EFCAB7: variants seen among roughly 807,000 people sequenced by gnomAD.
EFCAB7 encodes EF-hand calcium binding domain 7, also known as EF-hand calcium-binding domain-containing protein 7.
Under a neutral mutation model 77.1 loss-of-function variants are expected in EFCAB7, and 66 were observed. The observed-to-expected ratio is 0.86, with a 90% CI of 0.70 to 1.05. The LOEUF (loss-of-function observed/expected upper bound fraction) is 1.05. Among genes scored for constraint, EFCAB7 ranks in the 50% least tolerant of loss-of-function variants. EFCAB7 has a pLI of 0.00. For synonymous variants in EFCAB7, 225 were observed against 243.3 expected (o/e 0.92, Z 0.70); for missense variants, 638 against 730.5 (o/e 0.87, Z 1.46).
intron 2 of EFCAB7, among the ~76,000 whole-genome samples, chr1:63,528,168 C>A (rs1440102559): frequency 6.6e-6 from 1 of 151,920 alleles, no homozygotes; most frequent in Non-Finnish European, 1.5e-5. Context: ...AATTTGGAAG[C>A]AACGTAAGAG....
intron 11 of EFCAB7, among the ~76,000 whole-genome samples, chr1:63,562,236 A>G (rs1156858931): frequency 6.6e-5 from 10 of 151,778 alleles, no homozygotes; most frequent in Admixed American, 2.6e-4. Flanking sequence ...TGTCTGCATT[A>G]GAACTTGGAT....
rs115913113 is a variant in EFCAB7, at chr1:63,567,854, C to A, written c.1498-456C>A. Among the ~76,000 whole-genome samples the A allele has an allele frequency of 3.9e-3, 587 of 152,154 alleles. 3 individuals carry two copies. Among genetic ancestry groups the A allele is most frequent in the African/African-American group, 0.013 (538 of 41,492 alleles). On this transcript the variant is annotated intron_variant, in intron 11 of 13. Transcript: ENST00000371088. ...CGGAATGCAGAAAATATTTTTAAGT[C>A]TCATATTTTAAAGGTGTTTTTAGAC...
intron 13 of EFCAB7, among the ~76,000 whole-genome samples, chr1:63,571,395 C>T (rs751962115): frequency 2.6e-5 from 4 of 151,970 alleles, no homozygotes; most frequent in East Asian, 1.9e-4. Flanking sequence ...ATCACTAGGC[C>T]GGGCACGGTG....
At chr1:63,542,332 G>A (rs75385868) in intron 6 of EFCAB7, among the ~76,000 whole-genome samples, 7,064 of 152,152 alleles carry the variant, frequency 0.046, 587 homozygotes, top group African/African-American at 0.16. Context: ...TATTTACCAT[G>A]TTTTGTTTAT....
chr1:63,577,875 TG>T, the EFCAB7 span, among the ~76,000 whole-genome samples: 1 of 152,228 alleles, frequency 6.6e-6, no homozygotes, highest in South Asian at 2.1e-4. Context: ...GATGAAAATC[TG>T]TTGGAGGACT....
intron 2 of EFCAB7, among the ~76,000 whole-genome samples, chr1:63,526,286 A>G (rs1201310844): frequency 6.6e-6 from 1 of 152,118 alleles, no homozygotes; most frequent in African/African-American, 2.4e-5. Flanking sequence ...TCTCATTACA[A>G]AGGTCCCCAA....
At chr1:63,529,980 CCACCTCGG>C (rs909092776) in intron 2 of EFCAB7, 4 of 152,020 alleles carry the variant, frequency 2.6e-5, no homozygotes, top group African/African-American at 9.7e-5. Context: ...GGTGACCTGC[CCACCTCGG>C]CCACCCAAAG....
intron 9 of EFCAB7, among the ~76,000 whole-genome samples, chr1:63,556,874 A>AC (rs1491129598): frequency 2.9e-5 from 2 of 68,194 alleles, no homozygotes; most frequent in African/African-American, 7.0e-5. Flanking sequence ...CTAAAAATAC[A>AC]AAAAAAAAAA....
At chr1:63,581,615 T>C in the EFCAB7 span, among the ~76,000 whole-genome samples, 7 of 152,188 alleles carry the variant, frequency 4.6e-5, no homozygotes, top group African/African-American at 1.4e-4. Flanking sequence ...GGATGTCAGT[T>C]TGCTAATACA....
chr1:63,561,749 A>G lies in EFCAB7; in HGVS notation c.1389A>G (p.Gly463=). ...DTKRNELTRQ[G]FMDLNLMEAN... ...AGAGGAATGAACTAACAAGACAAGG[A>G]TTTATGGATTTGAATCTAATGGAAG... Residue 463 remains glycine (G), a synonymous_variant, in exon 11 of 14, where the codon GGA becomes GGG. Transcript: ENST00000371088. 1 of 1,609,906 alleles carries G rather than the reference A, an allele frequency of 6.2e-7. No homozygotes were observed. The highest frequency in any genetic ancestry group is 8.5e-7 in the Non-Finnish European group (1 of 1,177,518).
intron 3 of EFCAB7, 23 bp downstream of exon 3, chr1:63,532,054 G>A: frequency 6.4e-7 from 1 of 1,562,594 alleles, no homozygotes; most frequent in Non-Finnish European, 8.8e-7. Context: ...AAACTGTTTT[G>A]TAATGTGCAT....
chr1:63,564,109 A>G (rs1647142863), intron 11 of EFCAB7, among the ~76,000 whole-genome samples: 1 of 152,164 alleles, frequency 6.6e-6, no homozygotes, highest in South Asian at 2.1e-4. Context: ...CAGGTAGTTG[A>G]GAGCTAAATA....
the EFCAB7 span, among the ~76,000 whole-genome samples, chr1:63,580,495 T>C: frequency 2.0e-5 from 3 of 152,210 alleles, no homozygotes; most frequent in Non-Finnish European, 4.4e-5. Flanking sequence ...GTAAGTCTTA[T>C]ATTCAGGTAA....
At chr1:63,561,884 T>C in intron 11 of EFCAB7, 27 bp downstream of exon 11, 2 of 1,526,444 alleles carry the variant, frequency 1.3e-6, no homozygotes, top group Non-Finnish European at 1.8e-6. Flanking sequence ...CTTTTGCCAA[T>C]GGGTTTAATG....
chr1:63,528,671 T>G, intron 2 of EFCAB7, among the ~76,000 whole-genome samples: 1 of 152,100 alleles, frequency 6.6e-6, no homozygotes, highest in East Asian at 1.9e-4. Flanking sequence ...TCTCATATTA[T>G]ACACCTACTA....
intron 2 of EFCAB7, among the ~76,000 whole-genome samples, chr1:63,526,168 G>A (rs1356761835): frequency 6.6e-6 from 1 of 152,208 alleles, no homozygotes; most frequent in Non-Finnish European, 1.5e-5. Flanking sequence ...AGTACTGAGA[G>A]ATAAGTGAAC....
downstream of EFCAB7, among the ~76,000 whole-genome samples, chr1:63,575,585 T>C (rs1647387830): frequency 6.6e-6 from 1 of 152,140 alleles, no homozygotes; most frequent in African/African-American, 2.4e-5. Context: ...TATTCAGGCA[T>C]ATAACACCCA....
chr1:63,579,765 T>C, the EFCAB7 span, among the ~76,000 whole-genome samples: 1 of 152,216 alleles, frequency 6.6e-6, no homozygotes, highest in Non-Finnish European at 1.5e-5. Flanking sequence ...TGGTATCTCA[T>C]TGTGATTTTA....
At chr1:63,560,727 G>A (rs1242172298) in intron 10 of EFCAB7, among the ~76,000 whole-genome samples, 1 of 151,878 alleles carries the variant, frequency 6.6e-6, no homozygotes, top group East Asian at 1.9e-4. Flanking sequence ...TCACCATGTT[G>A]GCCAGGCTGG....
Sources: gnomAD v4.1 joint callset for allele counts (sites outside exome capture counted in the v4.1 genomes callset) on GRCh38, gnomAD v4.1.1 for gene constraint, MANE v1.5 for transcripts, NCBI Gene and HGNC (gene_info 2026-07-23, HGNC 2026-07-21) for gene names.